EIF4E: variants seen among roughly 807,000 people sequenced by gnomAD.
The protein encoded by EIF4E is eIF-4F 25 kDa subunit.
For missense variants in EIF4E, 113 were observed against 265.6 expected, an observed-to-expected ratio of 0.43 and a Z score of 3.99; for synonymous variants, 71 against 88.5, an observed-to-expected ratio of 0.80 and a Z score of 1.11.
At chr4:98,901,756 G>C in intron 2 of EIF4E, 120 bp downstream of exon 2, 3 of 942,894 alleles carry the variant, frequency 3.2e-6, no homozygotes. Context: ...AGTGAAAATA[G>C]AACCCTCAAC....
intron 2 of EIF4E, among the ~76,000 whole-genome samples, chr4:98,894,843 T>C (rs959169211): frequency 1.3e-5 from 2 of 152,228 alleles, no homozygotes; most frequent in Non-Finnish European, 2.9e-5. Flanking sequence ...GCTTTTGACA[T>C]GTCTTCCTCG....
intron 1 of EIF4E, among the ~76,000 whole-genome samples, chr4:98,922,610 A>G (rs1249792055): frequency 6.6e-6 from 1 of 151,954 alleles, no homozygotes; most frequent in African/African-American, 2.4e-5. Flanking sequence ...TCAGTGTGGT[A>G]CTTAACATAG....
At chr4:98,923,596 C>T (rs35850068) in intron 1 of EIF4E, among the ~76,000 whole-genome samples, 6,582 of 152,286 alleles carry the variant, frequency 0.043, 184 homozygotes, top group Non-Finnish European at 0.069. Flanking sequence ...CATGTGTGGG[C>T]CACCAAGCCC....
chr4:98,912,643 A>G (rs986871120), intron 1 of EIF4E, among the ~76,000 whole-genome samples: 3 of 152,218 alleles, frequency 2.0e-5, no homozygotes, highest in Non-Finnish European at 2.9e-5. Context: ...AAAATGATTC[A>G]AAATATATCA....
At chr4:98,906,478 G>A (rs1339739948) in intron 1 of EIF4E, among the ~76,000 whole-genome samples, 1 of 152,030 alleles carries the variant, frequency 6.6e-6, no homozygotes, top group Non-Finnish European at 1.5e-5. Flanking sequence ...TTGTATGCAT[G>A]TCTTCATCTT....
At chr4:98,925,523 G>A (rs1481153022) in intron 1 of EIF4E, among the ~76,000 whole-genome samples, 4 of 152,104 alleles carry the variant, frequency 2.6e-5, no homozygotes, top group Non-Finnish European at 4.4e-5. Context: ...CAAATTATCC[G>A]TTAAGAGGTA....
At chr4:98,922,848 T>C (rs1725705938) in intron 1 of EIF4E, among the ~76,000 whole-genome samples, 1 of 141,618 alleles carries the variant, frequency 7.1e-6, no homozygotes, top group South Asian at 2.2e-4. Context: ...TTTTTCTTTT[T>C]TCTTTTTTTT....
Position 98,880,973 on chromosome 4 carries a change from C to T in EIF4E, c.*55G>A. The T allele has an allele frequency of 1.3e-6, 2 of 1,546,340 alleles. No individual in the cohort carries two copies. Among genetic ancestry groups the T allele is most frequent in the East Asian group, 4.6e-5 (2 of 43,658 alleles). On this transcript the variant is annotated 3_prime_UTR_variant, in exon 7 of 7. Coordinates refer to ENST00000450253, the MANE Select transcript of EIF4E (RefSeq NM_001968.5). ...TTTTGAAGAGGCTTTGGTTCAGCTC[C>T]CAAATCTCGATTGCTTGACGCAGTC...
At chr4:98,926,326 T>G (rs915395206) in intron 1 of EIF4E, 3 of 152,184 alleles carry the variant, frequency 2.0e-5, no homozygotes, top group South Asian at 2.1e-4. Flanking sequence ...GCGGATCACC[T>G]GAGGTCGGGA....
rs776485280 is a variant in EIF4E, at chr4:98,887,503, C to T, written c.286-311G>A. Among the ~76,000 whole-genome samples the T allele has an allele frequency of 1.3e-5, 2 of 152,100 alleles. No homozygotes were observed. The highest frequency in any genetic ancestry group is 2.9e-5 in the Non-Finnish European group (2 of 68,026). ...CATTTCTACAGCTAGAAAATACATG[C>T]AAAAACTATGCAATTTCAGTTAATG... On this transcript the variant is annotated intron_variant, in intron 4 of 6. Coordinates refer to ENST00000450253, the MANE Select transcript of EIF4E (RefSeq NM_001968.5). This position sits in a 1 kb window ranked among gnomAD's most constrained non-coding sequence, Gnocchi z 4.0.
chr4:98,922,904 G>A (rs763775267), intron 1 of EIF4E, among the ~76,000 whole-genome samples: 1 of 147,442 alleles, frequency 6.8e-6, no homozygotes, highest in Non-Finnish European at 1.5e-5. Context: ...GCTGGAGTGC[G>A]ATGGCAGACA....
chr4:98,891,717 A>C (rs1176550057), intron 2 of EIF4E: 1 of 185,634 alleles, frequency 5.4e-6, no homozygotes, highest in African/African-American at 2.4e-5. Flanking sequence ...AGAGTTCTGG[A>C]GATTAGTTGC....
At chr4:98,894,440 G>A (rs1465504675) in intron 2 of EIF4E, among the ~76,000 whole-genome samples, 1 of 152,218 alleles carries the variant, frequency 6.6e-6, no homozygotes, top group Non-Finnish European at 1.5e-5. Context: ...ACCTCAGCTA[G>A]ATCTGGAGAT....
chr4:98,914,600 A>G (rs1474707475), intron 1 of EIF4E, among the ~76,000 whole-genome samples: 1 of 152,088 alleles, frequency 6.6e-6, no homozygotes, highest in African/African-American at 2.4e-5. Flanking sequence ...CACTCTGGAA[A>G]AGACAAAAAG....
At chr4:98,914,718 T>G (rs1215937831) in intron 1 of EIF4E, among the ~76,000 whole-genome samples, 3 of 152,116 alleles carry the variant, frequency 2.0e-5, no homozygotes, top group Non-Finnish European at 4.4e-5. Context: ...CATTTTACAT[T>G]TGACAAAACC....
At chr4:98,918,254 T>C (rs1327013167) in intron 1 of EIF4E, among the ~76,000 whole-genome samples, 1 of 150,518 alleles carries the variant, frequency 6.6e-6, no homozygotes, top group East Asian at 2.0e-4. Flanking sequence ...ATCCAGCTGG[T>C]CGGGAGGCTG....
At chr4:98,928,905 G>T in intron 1 of EIF4E, 190 bp downstream of exon 1, 1 of 1,560,572 alleles carries the variant, frequency 6.4e-7, no homozygotes. Context: ...CAGAAAGTGT[G>T]CGCTACACGC....
chr4:98,894,616 T>C (rs1201021329), intron 2 of EIF4E, among the ~76,000 whole-genome samples: 2 of 152,244 alleles, frequency 1.3e-5, no homozygotes, highest in Admixed American at 6.5e-5. Context: ...GGCCTTGCTA[T>C]GGATTAGGCT....
chr4:98,917,371 C>T (rs1409089950), intron 1 of EIF4E, among the ~76,000 whole-genome samples: 8 of 152,078 alleles, frequency 5.3e-5, no homozygotes, highest in Admixed American at 5.2e-4. Flanking sequence ...ACAGCCTCAC[C>T]AGATAACAAC....
Sources: allele counts gnomAD v4.1 joint callset (sites outside exome capture counted in the v4.1 genomes callset), GRCh38; gene constraint gnomAD v4.1.1; non-coding constraint Gnocchi (gnomAD v3.1); transcripts MANE v1.5; gene names NCBI Gene and HGNC (gene_info 2026-07-23, HGNC 2026-07-21).